Variants in TRPM3 observed in about 807,000 individuals in gnomAD.
TRPM3 encodes transient receptor potential cation channel subfamily M member 3.
In TRPM3, 77 loss-of-function variants were observed where a neutral mutation model predicts 181.2. The ratio of observed to expected loss-of-function variants is 0.42; its 90% confidence interval spans 0.35 to 0.51. The LOEUF is 0.51. TRPM3 is among the 20% of genes least tolerant of loss of function. TRPM3 has a pLI of 0.01. For synonymous variants in TRPM3, 745 were observed against 796.4 expected, an observed-to-expected ratio of 0.94 and a Z score of 1.09; for missense variants, 1,759 against 2,196.7, an observed-to-expected ratio of 0.80 and a Z score of 3.98.
chr9:70,981,064 T>G (rs1245063213), intron 1 of TRPM3, among the ~76,000 whole-genome samples: 1 of 152,226 alleles, frequency 6.6e-6, no homozygotes, highest in Non-Finnish European at 1.5e-5. Flanking sequence ...TTAAAGTGAT[T>G]GATTTTTAAA....
intron 1 of TRPM3, among the ~76,000 whole-genome samples, chr9:71,318,885 C>T (rs148945237): frequency 1.3e-5 from 2 of 152,038 alleles, no homozygotes; most frequent in African/African-American, 2.4e-5. Flanking sequence ...GCCCCCTAAA[C>T]TTTCCCTTGG....
At chr9:71,014,960 T>G (rs1405460332) in intron 1 of TRPM3, among the ~76,000 whole-genome samples, 2 of 152,188 alleles carry the variant, frequency 1.3e-5, no homozygotes, top group Non-Finnish European at 2.9e-5. Context: ...TTCACTTCTT[T>G]TGTTATTTAA....
intron 6 of TRPM3, chr9:70,810,216 C>A: frequency 2.6e-6 from 1 of 382,638 alleles, no homozygotes; most frequent in South Asian, 1.9e-5. Context: ...ATCACCCTGT[C>A]CTATGGGTAC....
chr9:71,316,635 C>T (rs62544221), intron 1 of TRPM3, among the ~76,000 whole-genome samples: 19,617 of 152,006 alleles, frequency 0.13, 1,444 homozygotes, highest in Middle Eastern at 0.32. Flanking sequence ...GGAATGAAGG[C>T]GACCTCCAGA....
intron 1 of TRPM3, among the ~76,000 whole-genome samples, chr9:71,273,405 C>T (rs1223785813): frequency 6.6e-6 from 1 of 152,204 alleles, no homozygotes; most frequent in Non-Finnish European, 1.5e-5. Context: ...CATGACCTCT[C>T]AGCAGAAATT....
At chr9:71,047,550 TATGGCTGAAGCAAGCCTGTGGAC>T (rs887524874) in intron 1 of TRPM3, among the ~76,000 whole-genome samples, 9 of 152,186 alleles carry the variant, frequency 5.9e-5, no homozygotes, top group African/African-American at 2.2e-4. Context: ...GGGTTTGAAA[TATGGCTGAAGCAAGCCTGTGGAC>T]AGCCCCTGTA....
chr9:71,022,254 A>T (rs1381687598), intron 1 of TRPM3, among the ~76,000 whole-genome samples: 1 of 152,244 alleles, frequency 6.6e-6, no homozygotes, highest in African/African-American at 2.4e-5. Flanking sequence ...AATATGTCTA[A>T]CCAATTTTTG....
chr9:71,039,146 G>A (rs1280589613), intron 1 of TRPM3, among the ~76,000 whole-genome samples: 1 of 152,184 alleles, frequency 6.6e-6, no homozygotes, highest in Non-Finnish European at 1.5e-5. Flanking sequence ...AAGCCAGTGT[G>A]GTCAGCGTGG....
At position 71,072,682 on chromosome 9, in the gene TRPM3, C is replaced by T. The variant is rs535669106; in HGVS notation, c.177+48496G>A. Among the ~76,000 whole-genome samples, 91 of 152,136 alleles carry T rather than the reference C, an allele frequency of 6.0e-4. 1 individual carries two copies. The highest frequency in any genetic ancestry group is 2.1e-3 in the African/African-American group (86 of 41,498). ...CACAATATCATGCATTGTTGAAGGC[C>T]GAAAGAGTGAGGGTCGTAATCAACT... On this transcript the variant is annotated intron_variant, in intron 1 of 25. Transcript: ENST00000677713.
intron 21 of TRPM3, among the ~76,000 whole-genome samples, chr9:70,592,046 C>T (rs181755090): frequency 1.3e-5 from 2 of 152,152 alleles, no homozygotes; most frequent in African/African-American, 2.4e-5. Context: ...TTCCTTCTTT[C>T]CATGATGTAT....
intron 1 of TRPM3, among the ~76,000 whole-genome samples, chr9:70,903,313 G>C (rs971203853): frequency 6.6e-6 from 1 of 152,214 alleles, no homozygotes; most frequent in Non-Finnish European, 1.5e-5. Flanking sequence ...GTGTAAATGA[G>C]AGTTGGGACA....
At chr9:71,250,678 C>T (rs544501980) in intron 1 of TRPM3, among the ~76,000 whole-genome samples, 1 of 152,258 alleles carries the variant, frequency 6.6e-6, no homozygotes, top group Admixed American at 6.5e-5. Flanking sequence ...AGGGAAATGA[C>T]ACTGAACCTT....
chr9:71,237,876 G>T (rs573269296), intron 1 of TRPM3, among the ~76,000 whole-genome samples: 110 of 152,306 alleles, frequency 7.2e-4, no homozygotes, highest in African/African-American at 2.5e-3. Flanking sequence ...GCTAAATGCT[G>T]CATGAAGCCT....
intron 1 of TRPM3, among the ~76,000 whole-genome samples, chr9:71,107,999 A>AT (rs1463831061): frequency 1.3e-5 from 2 of 152,204 alleles, no homozygotes; most frequent in Non-Finnish European, 2.9e-5. Flanking sequence ...ACCATGAACA[A>AT]TGGGAGCAAC....
chr9:71,036,562 C>T (rs2058230330), intron 1 of TRPM3, among the ~76,000 whole-genome samples: 1 of 152,304 alleles, frequency 6.6e-6, no homozygotes, highest in Middle Eastern at 3.4e-3. Flanking sequence ...AGTGAAAAAG[C>T]TTCATTACCC....
chr9:70,985,282 A>G (rs1185645866), intron 1 of TRPM3, among the ~76,000 whole-genome samples: 1 of 152,188 alleles, frequency 6.6e-6, no homozygotes, highest in Non-Finnish European at 1.5e-5. Context: ...TTTTCTTCTT[A>G]AAGAGAGATG....
chr9:71,320,819 G>T (rs2089151286), intron 1 of TRPM3, among the ~76,000 whole-genome samples: 1 of 152,080 alleles, frequency 6.6e-6, no homozygotes, highest in South Asian at 2.1e-4. Context: ...TCATCTGAAA[G>T]TCAACATGCC....
At chr9:70,834,835 C>T (rs939461074) in intron 5 of TRPM3, among the ~76,000 whole-genome samples, 2 of 152,188 alleles carry the variant, frequency 1.3e-5, no homozygotes, top group African/African-American at 4.8e-5. Context: ...CGCATACATT[C>T]CTGGCCCTCA....
intron 1 of TRPM3, among the ~76,000 whole-genome samples, chr9:71,385,511 T>C (rs1046858603): frequency 6.6e-6 from 1 of 152,144 alleles, no homozygotes; most frequent in African/African-American, 2.4e-5. Context: ...GCTGAAAAGA[T>C]CTGAACACAC....
Sources: allele counts gnomAD v4.1 joint callset (sites outside exome capture counted in the v4.1 genomes callset), GRCh38; gene constraint gnomAD v4.1.1; transcripts MANE v1.5; gene names NCBI Gene and HGNC (gene_info 2026-07-23, HGNC 2026-07-21).